Variants in LRRN2 observed in about 807,000 individuals in gnomAD.
The protein encoded by LRRN2 is leucine-rich repeat neuronal protein 2.
Under a neutral mutation model 35.7 loss-of-function variants are expected in LRRN2, and 10 were observed. That is an observed-to-expected ratio of 0.28 (90% CI 0.17 to 0.47). The LOEUF (loss-of-function observed/expected upper bound fraction) is 0.47, where lower values mean the gene tolerates loss of function less well. Among genes scored for constraint, LRRN2 ranks in the 20% least tolerant of loss-of-function variants. The pLI is 0.99. For missense variants in LRRN2, 731 were observed against 940.3 expected (o/e 0.78, Z 2.91); for synonymous variants, 391 against 409.6 (o/e 0.95, Z 0.55).
At position 204,617,561 on chromosome 1, in the gene LRRN2, C is replaced by T; in HGVS notation, c.*290G>A. On this transcript the variant is annotated 3_prime_UTR_variant, in exon 2 of 2. Transcript: ENST00000367177. Reference sequence around the variant, plus strand: ...ACAGCCAAGCCAGGCCCAGGAGCCTCTGGGCAGAGAGAAGATGGGGAGGCA... The same window carrying T: ...ACAGCCAAGCCAGGCCCAGGAGCCTTTGGGCAGAGAGAAGATGGGGAGGCA... 2.4e-6 allele frequency: 1 copy of T among 420,422 alleles called. No homozygotes were observed. The highest frequency in any genetic ancestry group is 4.3e-6 in the Non-Finnish European group (1 of 231,652). 26.0% of individuals were successfully genotyped at this position (420,422 alleles called of 1,614,324 possible).
intron 1 of LRRN2, among the ~76,000 whole-genome samples, chr1:204,646,421 T>C (rs1668109196): frequency 6.6e-6 from 1 of 152,122 alleles, no homozygotes; most frequent in Non-Finnish European, 1.5e-5. Context: ...ACAGGGATAG[T>C]AGGCACCTGG....
chr1:204,645,104 G>C (rs1209851070), intron 1 of LRRN2, among the ~76,000 whole-genome samples: 1 of 152,220 alleles, frequency 6.6e-6, no homozygotes, highest in Non-Finnish European at 1.5e-5. Flanking sequence ...GGATGAAGAA[G>C]GGAATTCACA....
chr1:204,682,337 C>T (rs1029743259), intron 1 of LRRN2, among the ~76,000 whole-genome samples: 4 of 152,194 alleles, frequency 2.6e-5, no homozygotes, highest in South Asian at 2.1e-4. Flanking sequence ...AGCTTATTCA[C>T]ACAACCGTTC....
intron 1 of LRRN2, among the ~76,000 whole-genome samples, chr1:204,657,336 A>G (rs1298059888): frequency 7.4e-6 from 1 of 134,562 alleles, no homozygotes; most frequent in African/African-American, 2.7e-5. Flanking sequence ...ATATATATGT[A>G]TATATACACA....
intron 1 of LRRN2, among the ~76,000 whole-genome samples, chr1:204,680,219 T>C (rs1571689089): frequency 6.6e-6 from 1 of 152,308 alleles, no homozygotes; most frequent in East Asian, 1.9e-4. Flanking sequence ...GAAAGCTTAA[T>C]GGGATAATGC....
chr1:204,643,479 C>A (rs933441602), intron 1 of LRRN2, among the ~76,000 whole-genome samples: 2 of 152,088 alleles, frequency 1.3e-5, no homozygotes, highest in Non-Finnish European at 2.9e-5. Flanking sequence ...GGCCCCTTTC[C>A]ACGAAGATGA....
At chr1:204,637,644 ACG>A (rs1667865786) in intron 1 of LRRN2, among the ~76,000 whole-genome samples, 1 of 108,752 alleles carries the variant, frequency 9.2e-6, no homozygotes, top group Non-Finnish European at 1.9e-5. Context: ...GCAGCACGTG[ACG>A]TGTGTGTGTG....
intron 1 of LRRN2, among the ~76,000 whole-genome samples, chr1:204,630,467 A>G (rs1667661061): frequency 6.6e-6 from 1 of 152,118 alleles, no homozygotes; most frequent in Non-Finnish European, 1.5e-5. Flanking sequence ...GATGAGGCGG[A>G]GAGAAAAAGA....
intron 1 of LRRN2, among the ~76,000 whole-genome samples, chr1:204,673,977 A>G (rs1308822378): frequency 6.6e-6 from 1 of 152,158 alleles, no homozygotes; most frequent in Non-Finnish European, 1.5e-5. Flanking sequence ...CTCAGGGCCC[A>G]GGAAACAGAT....
rs67761829 is a variant in LRRN2, at chr1:204,637,645, C to CGTGTGTGTGT, written c.-226-17437_-226-17428dup. On this transcript the variant is annotated intron_variant, in intron 1 of 1. Transcript: ENST00000367177. ...AGAGTCTGCCTATTGCAGCACGTGA[C>CGTGTGTGTGT]GTGTGTGTGTGTGTGTGTGTGTGTG... Among the ~76,000 whole-genome samples, 851 of 129,978 alleles carry CGTGTGTGTGT rather than the reference C, an allele frequency of 6.5e-3. 11 individuals are homozygous for CGTGTGTGTGT. Among genetic ancestry groups the CGTGTGTGTGT allele is most frequent in the African/African-American group, 0.016 (548 of 33,952 alleles). 85.3% of individuals were successfully genotyped at this position (129,978 alleles called of 152,430 possible). A position where few individuals can be genotyped will look rare whatever the true frequency, so the allele number is the denominator to read the frequency against.
Position 204,633,273 on chromosome 1 carries a change from A to C in LRRN2, c.-226-13055T>G, listed in dbSNP as rs1361467990. On this transcript the variant is annotated intron_variant, in intron 1 of 1. Coordinates refer to ENST00000367177, the MANE Select transcript of LRRN2 (RefSeq NM_201630.2). ...TGTAAGAAATAAATTTCTATTCTTT[A>C]TGAATTACCCATTCTGTGGTATTCT... 3 of 152,388 alleles carry C rather than the reference A, an allele frequency of 2.0e-5. No individual in the cohort carries two copies. In the East Asian group the frequency reaches 5.8e-4, roughly 29 times the overall value. 9.4% of individuals were successfully genotyped at this position (152,388 alleles called of 1,614,324 possible). A position where few individuals can be genotyped will look rare whatever the true frequency, so the allele number is the denominator to read the frequency against.
chr1:204,630,035 A>G (rs1474253012), intron 1 of LRRN2, among the ~76,000 whole-genome samples: 1 of 152,172 alleles, frequency 6.6e-6, no homozygotes, highest in African/African-American at 2.4e-5. Flanking sequence ...TCCAAACCCC[A>G]GCATCATGCA....
chr1:204,650,620 G>C (rs1432905916), intron 1 of LRRN2, among the ~76,000 whole-genome samples: 1 of 152,164 alleles, frequency 6.6e-6, no homozygotes, highest in Non-Finnish European at 1.5e-5. Context: ...GCTCTGCGGA[G>C]GGGTGTATGT....
intron 1 of LRRN2, among the ~76,000 whole-genome samples, chr1:204,666,349 A>G (rs1179206368): frequency 6.6e-6 from 1 of 152,258 alleles, no homozygotes; most frequent in East Asian, 1.9e-4. Context: ...TTTATTGAGC[A>G]CCTACTATGT....
At position 204,619,298 on chromosome 1, in the gene LRRN2, G is replaced by A. The variant is rs1666659830; in HGVS notation, c.695C>T (p.Ala232Val). 1 of 1,614,046 alleles carries A rather than the reference G, an allele frequency of 6.2e-7. No individual in the cohort carries two copies. The highest frequency in any genetic ancestry group is 8.5e-7 in the Non-Finnish European group (1 of 1,180,032). ...CTCCAGGCTTTGCAGCCCCTCCAGG[G>A]CATAGTCGGAGATCTCCCGCAGGTT... is the stretch of plus-strand genomic sequence containing the variant. ...GMNLREISDY[A>V]LEGLQSLESL... Residue 232 changes from alanine (A) to valine (V), a missense_variant, in exon 2 of 2, where the codon GCC (alanine) becomes GTC (valine). Transcript: ENST00000367177.
chr1:204,625,967 G>A (rs971464756), intron 1 of LRRN2, among the ~76,000 whole-genome samples: 1 of 152,210 alleles, frequency 6.6e-6, no homozygotes, highest in African/African-American at 2.4e-5. Context: ...CTGCCTTGAG[G>A]GAGGATGATG....
chr1:204,618,743 G>A lies in LRRN2; in HGVS notation c.1250C>T (p.Thr417Met), dbSNP rs766152518. 42 of 1,609,782 alleles carry A rather than the reference G, an allele frequency of 2.6e-5. No homozygotes were observed. The highest frequency in any genetic ancestry group is 5.3e-5 in the African/African-American group (4 of 74,900). The change falls in exon 2 of 2, where the codon ACG (threonine) becomes ATG (methionine). Residue 417 changes from threonine (T) to methionine (M), a missense_variant. By Grantham distance (81) the Thr-to-Met change is moderately conservative. Transcript: ENST00000367177. ...PVREVPFREMTDHCLPLISPR... is the reference protein window; with the variant it reads ...PVREVPFREMMDHCLPLISPR... The stretch of plus-strand genomic sequence containing the variant: ...GGAGATGAGGGGCAAACAGTGGTCC[G>A]TCATCTCCCGGAAGGGCACCTCACG...
rs1306066518 is a variant in LRRN2, at chr1:204,619,055, G to A, written c.938C>T (p.Thr313Ile). The A allele has an allele frequency of 6.2e-7, 1 of 1,606,456 alleles. No individual in the cohort carries two copies. The part of the protein sequence containing the change: ...KFALVNLPEL[T>I]KLDITNNPRL... ...TGGGTTATTGGTGATGTCCAGCTTG[G>A]TCAGCTCGGGGAGGTTCACCAGGGC... is the stretch of plus-strand genomic sequence containing the variant. The change falls in exon 2 of 2, where the codon ACC (threonine) becomes ATC (isoleucine). Residue 313 changes from threonine (T) to isoleucine (I), a missense_variant. Transcript: ENST00000367177.
At chr1:204,667,744 G>A (rs1273600769) in intron 1 of LRRN2, among the ~76,000 whole-genome samples, 1 of 152,154 alleles carries the variant, frequency 6.6e-6, no homozygotes, top group African/African-American at 2.4e-5. Context: ...TCAGCCAGGA[G>A]AGGAGACTAT....
Sources: allele counts gnomAD v4.1 joint callset (sites outside exome capture counted in the v4.1 genomes callset), GRCh38; gene constraint gnomAD v4.1.1; transcripts MANE v1.5; gene names NCBI Gene and HGNC (gene_info 2026-07-23, HGNC 2026-07-21).